PCDH15: variants seen among roughly 807,000 people sequenced by gnomAD.
The protein encoded by PCDH15 is protocadherin-15.
Under a neutral mutation model 178.5 loss-of-function variants are expected in PCDH15, and 129 were observed. The ratio of observed to expected loss-of-function variants is 0.72; its 90% CI spans 0.63 to 0.84. PCDH15 has a LOEUF of 0.84. Ranked by LOEUF, PCDH15 falls within the 40% of genes least tolerant of loss-of-function variation. PCDH15 has a pLI of 0.00. For synonymous variants in PCDH15, 800 were observed against 732.0 expected (o/e 1.09, Z -1.50); for missense variants, 2,230 against 2,099.9 (o/e 1.06, Z -1.21).
intron 25 of PCDH15, among the ~76,000 whole-genome samples, chr10:53,919,673 T>C (rs756369672): frequency 1.6e-4 from 24 of 152,218 alleles, no homozygotes; most frequent in Non-Finnish European, 2.9e-4. Flanking sequence ...TTTCACTTTA[T>C]GGCCTTAAAT....
At chr10:53,897,906 A>C (rs2082060971) in intron 26 of PCDH15, among the ~76,000 whole-genome samples, 1 of 150,534 alleles carries the variant, frequency 6.6e-6, no homozygotes, top group African/African-American at 2.5e-5. Context: ...TGTGTATATC[A>C]CATTTTGTTT....
At chr10:54,832,562 C>T (rs1222560393) in intron 3 of PCDH15, among the ~76,000 whole-genome samples, 2 of 152,124 alleles carry the variant, frequency 1.3e-5, no homozygotes, top group South Asian at 4.1e-4. Flanking sequence ...ATCTAACATG[C>T]TATTTAGTCC....
intron 2 of PCDH15, among the ~76,000 whole-genome samples, chr10:55,006,438 C>T (rs1178312267): frequency 6.6e-6 from 1 of 152,108 alleles, no homozygotes; most frequent in African/African-American, 2.4e-5. Flanking sequence ...AGTTGTTAGA[C>T]ATGTTTTAAC....
intron 2 of PCDH15, among the ~76,000 whole-genome samples, chr10:55,569,954 A>G (rs1260170143): frequency 2.0e-5 from 3 of 151,622 alleles, no homozygotes; most frequent in Admixed American, 6.6e-5. Context: ...CCACTTTTTC[A>G]TAATAGTGCT....
At chr10:55,301,766 T>C (rs1392854238) in intron 1 of PCDH15, among the ~76,000 whole-genome samples, 2 of 152,182 alleles carry the variant, frequency 1.3e-5, no homozygotes, top group African/African-American at 4.8e-5. Context: ...AATGTTTTAC[T>C]AACTTTTGAG....
intron 2 of PCDH15, among the ~76,000 whole-genome samples, chr10:55,072,983 A>G (rs1265512352): frequency 1.3e-5 from 2 of 152,136 alleles, no homozygotes; most frequent in African/African-American, 2.4e-5. Context: ...TATAAATAGA[A>G]CCAAAGACAA....
intron 8 of PCDH15, among the ~76,000 whole-genome samples, chr10:54,253,547 T>C (rs1382418012): frequency 6.6e-6 from 1 of 152,094 alleles, no homozygotes; most frequent in East Asian, 1.9e-4. Flanking sequence ...CCTTGCTGTA[T>C]GAAGTACCAA....
At chr10:55,247,200 T>A (rs1841698927) in intron 1 of PCDH15, among the ~76,000 whole-genome samples, 1 of 152,200 alleles carries the variant, frequency 6.6e-6, no homozygotes, top group South Asian at 2.1e-4. Flanking sequence ...TATTCTTTAG[T>A]TTAGATTTTT....
chr10:54,995,259 C>A (rs919654362), intron 2 of PCDH15, among the ~76,000 whole-genome samples: 2 of 151,946 alleles, frequency 1.3e-5, no homozygotes, highest in East Asian at 3.9e-4. Context: ...GCCTGTAGTC[C>A]CAACTACTCG....
chr10:55,591,401 C>G (rs1439360307), intron 2 of PCDH15, among the ~76,000 whole-genome samples: 3 of 151,976 alleles, frequency 2.0e-5, no homozygotes, highest in African/African-American at 7.2e-5. Context: ...GGCCACTGCA[C>G]TCCAGCCTGG....
At chr10:54,586,776 G>A (rs2091498890) in intron 2 of PCDH15, among the ~76,000 whole-genome samples, 1 of 152,246 alleles carries the variant, frequency 6.6e-6, no homozygotes, top group South Asian at 2.1e-4. Context: ...TTACAGGCAT[G>A]AGCCACCACA....
chr10:55,584,572 A>T (rs1486052668), intron 2 of PCDH15, among the ~76,000 whole-genome samples: 1 of 147,456 alleles, frequency 6.8e-6, no homozygotes, highest in Non-Finnish European at 1.5e-5. Flanking sequence ...CAGGAAAATT[A>T]CTTAAACTCC....
chr10:54,670,622 T>C (rs924018732), intron 1 of PCDH15, among the ~76,000 whole-genome samples: 2 of 152,168 alleles, frequency 1.3e-5, no homozygotes, highest in African/African-American at 4.8e-5. Context: ...CCAAATGTTA[T>C]AATAATGTAG....
chr10:53,818,198 C>A, intron 33 of PCDH15, 185 bp from the exon 34 acceptor site: 1 of 379,302 alleles, frequency 2.6e-6, no homozygotes, highest in Non-Finnish European at 4.7e-6. Flanking sequence ...CATGGTTTCA[C>A]ACCTGAATTA....
chr10:55,210,618 C>CTTTTTTTTT lies in PCDH15; in HGVS notation c.-155-43976_-155-43968dup, dbSNP rs11412877. Among the ~76,000 whole-genome samples the CTTTTTTTTT allele has an allele frequency of 1.3e-3, 53 of 40,340 alleles. 5 individuals are homozygous for CTTTTTTTTT. The highest frequency in any genetic ancestry group is 4.3e-3 in the Admixed American group (9 of 2,108). 26.5% of individuals were successfully genotyped at this position (40,340 alleles called of 152,430 possible). On this transcript the variant is annotated intron_variant, in intron 1 of 5. Transcript: ENST00000458638. ...ACGATTTTTTTTTCTTTTTTCTTTTCTTTTTTTTTTTTTTTTTTTTTTTTT... is the reference window on the plus strand; with the variant it reads ...ACGATTTTTTTTTCTTTTTTCTTTTCTTTTTTTTTTTTTTTTTTTTTTTTTTTTTTTTTT...
chr10:53,900,188 C>A (rs1400809391), intron 26 of PCDH15, among the ~76,000 whole-genome samples: 2 of 129,820 alleles, frequency 1.5e-5, no homozygotes, highest in African/African-American at 8.3e-5. Flanking sequence ...TAAACACATT[C>A]TTTCTCTCTC....
At chr10:55,409,721 T>A (rs1838287274) in intron 2 of PCDH15, among the ~76,000 whole-genome samples, 1 of 152,130 alleles carries the variant, frequency 6.6e-6, no homozygotes, top group South Asian at 2.1e-4. Context: ...AGTAAAAACA[T>A]ACACAGCTCT....
At chr10:55,314,320 T>C (rs1202486632) in intron 1 of PCDH15, among the ~76,000 whole-genome samples, 32 of 151,494 alleles carry the variant, frequency 2.1e-4, no homozygotes, top group Admixed American at 2.0e-3. Context: ...TTTTCTCTAA[T>C]GTTGACCTAA....
In PCDH15 at chr10:54,609,889, T is replaced by G. The variant is rs140653172; in HGVS notation, c.91+54283A>C. 1.1e-4 allele frequency among the ~76,000 whole-genome samples: 17 copies of G among 152,166 alleles called. No homozygotes were observed. The East Asian group carries it at 3.1e-3, about 28-fold the overall frequency. ...AATACATTAGATAGCTAAATATTGG[T>G]TTAACACTTTATATGCAGTTCAATT... is the stretch of plus-strand genomic sequence containing the variant. On this transcript the variant is annotated intron_variant, in intron 2 of 37. Transcript: ENST00000644397.
Sources: gnomAD v4.1 joint callset for allele counts (sites outside exome capture counted in the v4.1 genomes callset) on GRCh38, gnomAD v4.1.1 for gene constraint, MANE v1.5 for transcripts, NCBI Gene and HGNC (gene_info 2026-07-23, HGNC 2026-07-21) for gene names.